Variants in LRBA observed in about 807,000 individuals in gnomAD.
LRBA encodes the protein lipopolysaccharide-responsive and beige-like anchor protein.
In LRBA, 176 loss-of-function variants were observed where a neutral mutation model predicts 330.0. The ratio of observed to expected loss-of-function variants is 0.53; its 90% CI spans 0.47 to 0.60. LRBA has a LOEUF of 0.60. Ranked by LOEUF, LRBA falls within the 20% of genes least tolerant of loss-of-function variation. The pLI, the probability that LRBA is intolerant of heterozygous loss-of-function variation, is 0.00. For synonymous variants in LRBA, 1,230 were observed against 1,193.0 expected, an observed-to-expected ratio of 1.03 and a Z score of -0.64; for missense variants, 3,259 against 3,444.8, an observed-to-expected ratio of 0.95 and a Z score of 1.35.
intron 40 of LRBA, among the ~76,000 whole-genome samples, chr4:150,525,725 A>AT (rs1763391264): frequency 6.6e-6 from 1 of 152,108 alleles, no homozygotes; most frequent in Non-Finnish European, 1.5e-5. Flanking sequence ...CTTATATCTG[A>AT]TTTCTCTTTT....
intron 2 of LRBA, among the ~76,000 whole-genome samples, chr4:150,993,508 C>T (rs1322030955): frequency 6.6e-6 from 1 of 152,112 alleles, no homozygotes; most frequent in East Asian, 1.9e-4. Flanking sequence ...AGTTCAAGAC[C>T]AGCCTGACCA....
chr4:150,773,486 T>C (rs1736853865), intron 34 of LRBA, among the ~76,000 whole-genome samples: 1 of 152,262 alleles, frequency 6.6e-6, no homozygotes, highest in Non-Finnish European at 1.5e-5. Flanking sequence ...GTTATGCTTA[T>C]AATAATACAC....
chr4:150,636,683 T>A (rs1777947619), intron 37 of LRBA, among the ~76,000 whole-genome samples: 1 of 152,160 alleles, frequency 6.6e-6, no homozygotes, highest in South Asian at 2.1e-4. Context: ...TCCCAGTACT[T>A]TATTGCCCAG....
rs78065156 is a variant in LRBA, at chr4:150,703,290, A to T, written c.5755-19573T>A. On this transcript the variant is annotated intron_variant, in intron 36 of 56. Transcript: ENST00000651943. ...TACTTGCTGTATCTACTAGGATACA[A>T]ACAGAAGGTAATTTTTAATGAAACA... 2.9e-3 allele frequency among the ~76,000 whole-genome samples: 435 copies of T among 152,346 alleles called. 9 individuals carry two copies. The highest frequency in any genetic ancestry group is 0.018 in the East Asian group (91 of 5,190).
At chr4:150,795,561 T>C (rs924515724) in intron 34 of LRBA, among the ~76,000 whole-genome samples, 2 of 152,040 alleles carry the variant, frequency 1.3e-5, no homozygotes, top group Non-Finnish European at 2.9e-5. Context: ...ATTTTAATTA[T>C]ACTCAAAAAT....
At chr4:151,013,658 T>G (rs1017691078) in intron 2 of LRBA, 1 of 152,218 alleles carries the variant, frequency 6.6e-6, no homozygotes, top group African/African-American at 2.4e-5. Context: ...CTTAGGAGTT[T>G]GAGAACAGCC....
At chr4:150,494,244 G>C (rs1008084054) in intron 40 of LRBA, among the ~76,000 whole-genome samples, 2 of 152,018 alleles carry the variant, frequency 1.3e-5, no homozygotes, top group African/African-American at 2.4e-5. Context: ...TTTTAAGAAA[G>C]GGTTAAATAT....
chr4:150,858,058 A>G (rs1276195288), intron 22 of LRBA, among the ~76,000 whole-genome samples: 1 of 152,230 alleles, frequency 6.6e-6, no homozygotes, highest in Non-Finnish European at 1.5e-5. Context: ...AGTTATACAT[A>G]GGTGTTTGGA....
chr4:150,487,199 T>C (rs1474363005), intron 42 of LRBA, among the ~76,000 whole-genome samples: 3 of 151,476 alleles, frequency 2.0e-5, no homozygotes, highest in Non-Finnish European at 3.0e-5. Flanking sequence ...TATACGTGTG[T>C]GTACCATTAT....
At chr4:150,523,197 T>A (rs765114586) in intron 40 of LRBA, among the ~76,000 whole-genome samples, 2 of 152,244 alleles carry the variant, frequency 1.3e-5, no homozygotes, top group African/African-American at 4.8e-5. Flanking sequence ...GAGGTTGACA[T>A]GTATTTTGCG....
At chr4:150,857,179 T>C (rs1286408564) in intron 22 of LRBA, among the ~76,000 whole-genome samples, 1 of 152,132 alleles carries the variant, frequency 6.6e-6, no homozygotes, top group Non-Finnish European at 1.5e-5. Flanking sequence ...ATAAGATATA[T>C]CTTTAAAAAC....
intron 2 of LRBA, among the ~76,000 whole-genome samples, chr4:150,949,739 T>C (rs995709530): frequency 5.9e-5 from 8 of 134,476 alleles, no homozygotes; most frequent in East Asian, 2.2e-4. Context: ...GGTAGAAAAA[T>C]GAGAGCCAAA....
chr4:150,977,395 G>A, intron 2 of LRBA, among the ~76,000 whole-genome samples: 1 of 152,036 alleles, frequency 6.6e-6, no homozygotes, highest in Non-Finnish European at 1.5e-5. Flanking sequence ...ACACACGCTG[G>A]GCCAGAAGGG....
intron 36 of LRBA, among the ~76,000 whole-genome samples, chr4:150,686,162 G>T (rs1234761875): frequency 1.3e-5 from 2 of 152,174 alleles, no homozygotes; most frequent in African/African-American, 2.4e-5. Context: ...TTAGATCTAA[G>T]ATTGGGTCAA....
intron 40 of LRBA, among the ~76,000 whole-genome samples, chr4:150,576,994 A>G (rs115109836): frequency 2.5e-3 from 382 of 152,048 alleles, no homozygotes; most frequent in African/African-American, 8.7e-3. Flanking sequence ...TTTCAACAGC[A>G]TGCTTGACCA....
intron 47 of LRBA, among the ~76,000 whole-genome samples, chr4:150,362,180 G>A (rs1488289737): frequency 6.6e-6 from 1 of 152,102 alleles, no homozygotes; most frequent in Non-Finnish European, 1.5e-5. Flanking sequence ...TCTTTCTGGT[G>A]AGGGACTAGG....
At chr4:151,012,383 G>C (rs1445240188) in intron 2 of LRBA, among the ~76,000 whole-genome samples, 1 of 152,160 alleles carries the variant, frequency 6.6e-6, no homozygotes, top group Non-Finnish European at 1.5e-5. Flanking sequence ...TCTGCCAAAA[G>C]ATGTTGTGTC....
intron 31 of LRBA, among the ~76,000 whole-genome samples, chr4:150,816,757 G>T (rs1006036105): frequency 6.6e-6 from 1 of 151,476 alleles, no homozygotes; most frequent in Non-Finnish European, 1.5e-5. Context: ...CACATTAAAA[G>T]ATTACATGTC....
intron 34 of LRBA, among the ~76,000 whole-genome samples, chr4:150,763,206 C>T (rs1735329451): frequency 6.6e-6 from 1 of 151,994 alleles, no homozygotes; most frequent in Admixed American, 6.6e-5. Flanking sequence ...GTAACGTATT[C>T]TCAAGGAATG....
Sources: gnomAD v4.1 joint callset for allele counts (sites outside exome capture counted in the v4.1 genomes callset) on GRCh38, gnomAD v4.1.1 for gene constraint, MANE v1.5 for transcripts, NCBI Gene and HGNC (gene_info 2026-07-23, HGNC 2026-07-21) for gene names.